The following PRSS48 variants were observed in gnomAD, a reference collection of about 807,000 sequenced individuals.
The protein encoded by PRSS48 is epidermis-specific serine protease-like protein.
PRSS48 carries 21 observed loss-of-function variants against 25.6 expected under a neutral mutation model. The ratio of observed to expected loss-of-function variants is 0.82; its 90% CI spans 0.58 to 1.18. PRSS48 has a LOEUF of 1.18. PRSS48 is among the 50% of genes most tolerant of loss of function. The pLI, the probability that PRSS48 is intolerant of heterozygous loss-of-function variation, is 0.00. For synonymous variants in PRSS48, 150 were observed against 149.3 expected (o/e 1.00, Z -0.04); for missense variants, 373 against 399.3 (o/e 0.93, Z 0.56).
Position 151,279,938 on chromosome 4 carries a change from A to G in PRSS48, c.195A>G (p.Thr65=), listed in dbSNP as rs372922647. The change falls in exon 2 of 5, where the codon ACA becomes ACG. Residue 65 remains threonine (T), a synonymous_variant. Transcript: ENST00000455694. ...TCGTCAGTGAGAGGTTGATACTGAC[A>G]GCAGCACACTGCATACAACCGTGAG... The G allele has an allele frequency of 4.3e-6, 7 of 1,613,414 alleles. No homozygotes were observed. The African/African-American group carries it at 8.0e-5, about 18-fold the overall frequency.
chr4:151,291,334 C>T (rs13126069), exon 5 of PRSS48: 679,273 of 1,613,276 alleles, frequency 0.42, 146,560 homozygotes, highest in Admixed American at 0.48. Context: ...GGCTCTCCTG[C>T]GTCCCTCCTG....
chr4:151,278,943 C>G (rs1466481774), intron 1 of PRSS48: 3 of 201,390 alleles, frequency 1.5e-5, no homozygotes, highest in African/African-American at 7.0e-5. Flanking sequence ...AATCTTACCA[C>G]TTTCATTTGT....
exon 3 of PRSS48, chr4:151,282,395 A>C (rs1363780752): frequency 6.2e-7 from 1 of 1,613,788 alleles, no homozygotes; most frequent in Non-Finnish European, 8.5e-7. Flanking sequence ...CGGATGGGGA[A>C]AAGTTAAGGA....
intron 3 of PRSS48, 44 bp downstream of exon 3, chr4:151,282,457 T>C: frequency 6.2e-7 from 1 of 1,600,676 alleles, no homozygotes; most frequent in South Asian, 1.1e-5. Flanking sequence ...TGTCATCCTC[T>C]TGTACTCCAG....
chr4:151,284,156 T>G (rs2150011116), intron 4 of PRSS48, among the ~76,000 whole-genome samples: 1 of 152,352 alleles, frequency 6.6e-6, no homozygotes, highest in East Asian at 1.9e-4. Flanking sequence ...AATGATTTCT[T>G]CAAAAACTAT....
At chr4:151,289,318 T>G (rs961660674) in intron 4 of PRSS48, among the ~76,000 whole-genome samples, 3 of 152,186 alleles carry the variant, frequency 2.0e-5, no homozygotes, top group Non-Finnish European at 4.4e-5. Flanking sequence ...TGACCTTGAT[T>G]AGGCAACATT....
At chr4:151,286,343 A>T (rs1279389327) in intron 4 of PRSS48, among the ~76,000 whole-genome samples, 1 of 151,396 alleles carries the variant, frequency 6.6e-6, no homozygotes, top group Non-Finnish European at 1.5e-5. Context: ...TTGAAAAAAA[A>T]CTTTAGCTAA....
chr4:151,290,939 T>G (rs1775269994), intron 4 of PRSS48, among the ~76,000 whole-genome samples, 179 bp from the exon 5 acceptor site: 1 of 152,208 alleles, frequency 6.6e-6, no homozygotes, highest in African/African-American at 2.4e-5. Flanking sequence ...CAATTTCAAT[T>G]CTATGATTCT....
chr4:151,283,369 G>T (rs1419324534), intron 4 of PRSS48, 83 bp downstream of exon 4: 14 of 1,286,712 alleles, frequency 1.1e-5, no homozygotes, highest in Admixed American at 1.9e-5. Context: ...AATAACAGTG[G>T]ATTGGGAGTC....
Position 151,283,354 on chromosome 4 carries a change from C to T in PRSS48, c.651+68C>T, listed in dbSNP as rs1774431996. On this transcript the variant is annotated intron_variant, in intron 4 of 4. Transcript: ENST00000455694. ...TTAATTTGGATCCAGGTTTTCCTAT[C>T]TGTAAATAACAGTGGATTGGGAGTC... 4.1e-6 allele frequency: 6 copies of T among 1,448,356 alleles called. No homozygotes were observed. In the East Asian group the frequency reaches 1.4e-4, roughly 33 times the overall value. 89.7% of individuals were successfully genotyped at this position (1,448,356 alleles called of 1,614,324 possible).
chr4:151,289,606 G>C (rs1356463560), intron 4 of PRSS48, among the ~76,000 whole-genome samples: 2 of 152,168 alleles, frequency 1.3e-5, no homozygotes, highest in South Asian at 2.1e-4. Context: ...CTGGTATAAA[G>C]ATATGCAAAT....
At chr4:151,280,858 A>G (rs552693697) in intron 2 of PRSS48, among the ~76,000 whole-genome samples, 66 of 152,202 alleles carry the variant, frequency 4.3e-4, no homozygotes, top group Non-Finnish European at 8.4e-4. Flanking sequence ...TGCTAAAAAA[A>G]ATTTATTTCC....
intron 4 of PRSS48, among the ~76,000 whole-genome samples, chr4:151,285,861 T>C (rs1774702303): frequency 6.6e-6 from 1 of 151,944 alleles, no homozygotes; most frequent in South Asian, 2.1e-4. Context: ...AGCAAGACTC[T>C]GTGGCTCTGT....
intron 4 of PRSS48, among the ~76,000 whole-genome samples, chr4:151,290,181 CT>C (rs1775188519): frequency 6.6e-6 from 1 of 152,138 alleles, no homozygotes; most frequent in South Asian, 2.1e-4. Context: ...AATGCCTGGC[CT>C]GATCCTCCTG....
chr4:151,286,193 A>G (rs1439317201), intron 4 of PRSS48, among the ~76,000 whole-genome samples: 2 of 149,764 alleles, frequency 1.3e-5, no homozygotes, highest in East Asian at 1.9e-4. Context: ...AGAAAAAAAA[A>G]AAAAAAAAAA....
exon 4 of PRSS48, chr4:151,283,147 C>T (rs376656846): frequency 6.2e-7 from 1 of 1,613,728 alleles, no homozygotes; most frequent in African/African-American, 1.3e-5. Flanking sequence ...CTTCAGGAAG[C>T]AGAAGTACCC....
At chr4:151,280,304 T>C (rs937260176) in intron 2 of PRSS48, among the ~76,000 whole-genome samples, 2 of 152,176 alleles carry the variant, frequency 1.3e-5, no homozygotes, top group African/African-American at 4.8e-5. Flanking sequence ...AGTGTCCCTA[T>C]GGAGAGGCCC....
In PRSS48 at chr4:151,279,738, G is replaced by A. The variant is rs1279419014; in HGVS notation, c.53-58G>A. The A allele has an allele frequency of 2.0e-6, 3 of 1,513,464 alleles. No homozygotes were observed. The African/African-American group carries it at 4.1e-5, about 21-fold the overall frequency. 93.8% of individuals were successfully genotyped at this position (1,513,464 alleles called of 1,614,324 possible). ...GGAGTTTGGGAATGATGATAAGGTG[G>A]GGACCAGAGAAACAGGACTCCTAGG... On this transcript the variant is annotated intron_variant, in intron 1 of 4. Transcript: ENST00000455694.
intron 2 of PRSS48, 54 bp downstream of exon 2, chr4:151,280,012 T>C: frequency 5.9e-6 from 7 of 1,190,546 alleles, no homozygotes; most frequent in Non-Finnish European, 5.5e-6. Flanking sequence ...AATATTTGCA[T>C]CACTTCATGA....
Sources: gnomAD v4.1 joint callset for allele counts (sites outside exome capture counted in the v4.1 genomes callset) on GRCh38, gnomAD v4.1.1 for gene constraint, MANE v1.5 for transcripts, NCBI Gene and HGNC (gene_info 2026-07-23, HGNC 2026-07-21) for gene names.